BCAS3: variants seen among roughly 807,000 people sequenced by gnomAD.
BCAS3 encodes BCAS4/BCAS3 fusion.
Under a neutral mutation model 116.1 loss-of-function variants are expected in BCAS3, and 53 were observed. That is an observed-to-expected ratio of 0.46 (90% confidence interval 0.37 to 0.57). The LOEUF (loss-of-function observed/expected upper bound fraction) is 0.57, where lower values mean the gene tolerates loss of function less well. Among genes scored for constraint, BCAS3 ranks in the 20% least tolerant of loss-of-function variants. The pLI is 0.00. For synonymous variants in BCAS3, 391 were observed against 408.2 expected (o/e 0.96, Z 0.51); for missense variants, 917 against 1,165.4 (o/e 0.79, Z 3.10).
intron 22 of BCAS3, among the ~76,000 whole-genome samples, chr17:61,270,323 A>G (rs1044937584): frequency 6.6e-6 from 1 of 151,330 alleles, no homozygotes; most frequent in Non-Finnish European, 1.5e-5. Context: ...GGGTTTCACC[A>G]TGTTGGCCAG....
chr17:60,821,973 T>C (rs1598948277), intron 7 of BCAS3, among the ~76,000 whole-genome samples: 1 of 152,350 alleles, frequency 6.6e-6, no homozygotes, highest in South Asian at 2.1e-4. Context: ...AATATTATTA[T>C]ATTGGATTAG....
At chr17:61,373,055 C>T (rs994731630) in intron 23 of BCAS3, among the ~76,000 whole-genome samples, 2 of 151,796 alleles carry the variant, frequency 1.3e-5, no homozygotes, top group Non-Finnish European at 2.9e-5. Context: ...AAAGCCCAGG[C>T]CTTATGCATG....
intron 22 of BCAS3, among the ~76,000 whole-genome samples, chr17:61,146,107 TTTTTTG>T (rs1277989471): frequency 9.7e-5 from 2 of 20,672 alleles, no homozygotes; most frequent in African/African-American, 1.4e-4. Context: ...TACTTACTGG[TTTTTTG>T]TTTTTTTTTT....
At chr17:60,679,031 C>A (rs956239822) in intron 1 of BCAS3, among the ~76,000 whole-genome samples, 4 of 152,084 alleles carry the variant, frequency 2.6e-5, no homozygotes, top group Non-Finnish European at 4.4e-5. Context: ...CGAGACCAGC[C>A]TTGGCAACAT....
At chr17:61,015,712 C>T (rs1327514471) in intron 15 of BCAS3, 39 bp from the exon 16 acceptor site, 1 of 1,606,938 alleles carries the variant, frequency 6.2e-7, no homozygotes, top group African/African-American at 1.3e-5. Flanking sequence ...GATAGAGAAC[C>T]TTCCTCAGTG....
At chr17:60,906,573 A>G (rs1654176936) in intron 11 of BCAS3, among the ~76,000 whole-genome samples, 1 of 152,118 alleles carries the variant, frequency 6.6e-6, no homozygotes, top group African/African-American at 2.4e-5. Context: ...TCCTAGAATC[A>G]CCAGATACCT....
At position 61,040,813 on chromosome 17, in the gene BCAS3, G is replaced by A. The variant is rs1279495774; in HGVS notation, c.1950G>A (p.Leu650=). The change falls in exon 19 of 24, where the codon TTG becomes TTA. Residue 650 remains leucine, a synonymous_variant. Coordinates refer to ENST00000407086, the MANE Select transcript of BCAS3 (RefSeq NM_017679.5). ...TLVRTPQWNE[L]QPPFNANHPL... The stretch of plus-strand genomic sequence containing the variant: ...TTAGAACCCCTCAATGGAATGAATT[G>A]CAGCCACCGTTTAATGCAAACCACC... The A allele has an allele frequency of 1.2e-6, 2 of 1,613,850 alleles. No individual in the cohort carries two copies. The highest frequency in any genetic ancestry group is 1.7e-6 in the Non-Finnish European group (2 of 1,179,920).
chr17:61,345,963 G>C (rs2057480143), intron 22 of BCAS3, among the ~76,000 whole-genome samples: 1 of 152,228 alleles, frequency 6.6e-6, no homozygotes, highest in Non-Finnish European at 1.5e-5. Flanking sequence ...TGAGTGAGTT[G>C]AGTGAGTTGC....
intron 5 of BCAS3, among the ~76,000 whole-genome samples, chr17:60,717,482 C>T (rs886914275): frequency 3.3e-5 from 5 of 152,064 alleles, no homozygotes; most frequent in African/African-American, 1.2e-4. Context: ...TCCCAAAGTG[C>T]TGGGATTACA....
Position 61,128,192 on chromosome 17 carries a change from G to A in BCAS3, c.2425+43628G>A. The A allele has an allele frequency of 1.0e-6, 1 of 985,406 alleles. No individual in the cohort carries two copies. The highest frequency in any genetic ancestry group is 1.2e-6 in the Non-Finnish European group (1 of 829,924). The allele number at this position is 985,406 out of a possible 1,614,324, so 61.0% of individuals were successfully genotyped here. On this transcript the variant is annotated intron_variant, in intron 22 of 23. Transcript: ENST00000407086. This position sits in a 1 kb window ranked among gnomAD's most constrained non-coding sequence, Gnocchi z 4.1. Reference sequence around the variant, plus strand: ...TTTTCTTTTAGGAAGCCTTCCACCAGGAATAGTGTGAGTCAAGGATGAGTA... The same window carrying A: ...TTTTCTTTTAGGAAGCCTTCCACCAAGAATAGTGTGAGTCAAGGATGAGTA...
At position 61,285,213 on chromosome 17, in the gene BCAS3, T is replaced by A. The variant is rs566692700; in HGVS notation, c.2426-83114T>A. Among the ~76,000 whole-genome samples, 25 of 147,734 alleles carry A rather than the reference T, an allele frequency of 1.7e-4. No individual in the cohort carries two copies. The highest frequency in any genetic ancestry group is 5.8e-4 in the African/African-American group (22 of 38,028). ...TGAGAACTAAATTGGGGTGTTTTGC[T>A]TTTCCCCTCCTCCTAGGTTGTGTGT... On this transcript the variant is annotated intron_variant, in intron 22 of 23. Coordinates refer to ENST00000407086, the MANE Select transcript of BCAS3 (RefSeq NM_017679.5). This position sits in a 1 kb window ranked among gnomAD's most constrained non-coding sequence, Gnocchi z 5.4.
At chr17:61,014,314 A>G (rs2065299275) in intron 15 of BCAS3, among the ~76,000 whole-genome samples, 1 of 152,112 alleles carries the variant, frequency 6.6e-6, no homozygotes, top group Non-Finnish European at 1.5e-5. Flanking sequence ...CCCATCAATT[A>G]ATAAGACTCA....
intron 22 of BCAS3, among the ~76,000 whole-genome samples, chr17:61,209,634 GT>G: frequency 6.6e-6 from 1 of 152,300 alleles, no homozygotes; most frequent in Non-Finnish European, 1.5e-5. Context: ...AGAGACCATT[GT>G]TCTTTGAGGA....
At position 61,088,163 on chromosome 17, in the gene BCAS3, C is replaced by T. The variant is rs1181059322; in HGVS notation, c.2425+3599C>T. Among the ~76,000 whole-genome samples, 1 of 152,154 alleles carries T rather than the reference C, an allele frequency of 6.6e-6. No individual in the cohort carries two copies. Among genetic ancestry groups the T allele is most frequent in the Non-Finnish European group, 1.5e-5 (1 of 68,018 alleles). ...CACCAGTGCACTCTAGCCTGGGTGA[C>T]CGAGCAAGGCTCTGTCTCAAAAAGA... is the stretch of plus-strand genomic sequence containing the variant. On this transcript the variant is annotated intron_variant, in intron 22 of 23. Coordinates refer to ENST00000407086, the MANE Select transcript of BCAS3 (RefSeq NM_017679.5). This position sits in a 1 kb window ranked among gnomAD's most constrained non-coding sequence, Gnocchi z 4.2.
intron 6 of BCAS3, among the ~76,000 whole-genome samples, chr17:60,800,146 A>C (rs1184231428): frequency 1.3e-5 from 2 of 152,130 alleles, no homozygotes; most frequent in African/African-American, 2.4e-5. Flanking sequence ...TTTGGACAAA[A>C]GTCTTCAGTT....
At chr17:60,942,845 G>A (rs1051590911) in intron 13 of BCAS3, among the ~76,000 whole-genome samples, 1 of 151,954 alleles carries the variant, frequency 6.6e-6, no homozygotes, top group East Asian at 1.9e-4. Context: ...TTCTGCTTCT[G>A]GGAATAGCAA....
intron 6 of BCAS3, among the ~76,000 whole-genome samples, chr17:60,790,878 G>C (rs2046711185): frequency 6.6e-6 from 1 of 151,392 alleles, no homozygotes; most frequent in South Asian, 2.1e-4. Context: ...CAAGTAGCCA[G>C]GATTACAGGC....
intron 22 of BCAS3, among the ~76,000 whole-genome samples, chr17:61,322,163 A>G (rs2055278361): frequency 1.3e-5 from 2 of 151,852 alleles, no homozygotes; most frequent in Non-Finnish European, 1.5e-5. Context: ...CGAACTCCCA[A>G]CCTCAGGTGA....
chr17:61,151,967 T>C lies in BCAS3; in HGVS notation c.2425+67403T>C, dbSNP rs1040300576. Among the ~76,000 whole-genome samples the C allele has an allele frequency of 6.6e-6, 1 of 152,186 alleles. No individual in the cohort carries two copies. The highest frequency in any genetic ancestry group is 1.5e-5 in the Non-Finnish European group (1 of 68,034). On this transcript the variant is annotated intron_variant, in intron 22 of 23. Transcript: ENST00000407086. The surrounding 1 kb of genome is among the most constrained non-coding windows in gnomAD (Gnocchi z 4.8). ...GTACCGGAAGGGCAAGGATTCTCTG[T>C]GTGCCCAGGGAAAGTGGTTTTATGA...
Sources: gnomAD v4.1 joint callset for allele counts (sites outside exome capture counted in the v4.1 genomes callset) on GRCh38, gnomAD v4.1.1 for gene constraint, Gnocchi (gnomAD v3.1) non-coding constraint, MANE v1.5 for transcripts, NCBI Gene and HGNC (gene_info 2026-07-23, HGNC 2026-07-21) for gene names.